Variants in FYB1 observed in about 807,000 individuals in gnomAD.
The protein encoded by FYB1 is FYN-binding protein 1.
Under a neutral mutation model 94.1 loss-of-function variants are expected in FYB1, and 41 were observed. That is an observed-to-expected ratio of 0.44 (90% CI 0.34 to 0.57). The LOEUF is 0.57. Among genes scored for constraint, FYB1 ranks in the 20% least tolerant of loss-of-function variants. The pLI, the probability that FYB1 is intolerant of heterozygous loss-of-function variation, is 0.02. For synonymous variants in FYB1, 367 were observed against 353.2 expected, an observed-to-expected ratio of 1.04 and a Z score of -0.44; for missense variants, 1,050 against 976.8, an observed-to-expected ratio of 1.07 and a Z score of -1.00.
rs141271794 is a variant in FYB1 at position 39,234,840 on chromosome 5, C to T, written c.-27-31853G>A. On this transcript the variant is annotated intron_variant, in intron 1 of 1. Coordinates refer to the FYB1 transcript ENST00000510188. ...TTACTCATAAGTGGGAGTTGAACAA[C>T]GAGAACACATGGACACAGGGAGGGG... Among the ~76,000 whole-genome samples, 1,002 of 151,680 alleles carry T rather than the reference C, an allele frequency of 6.6e-3. 15 individuals are homozygous for T. The highest frequency in any genetic ancestry group is 0.023 in the African/African-American group (940 of 41,386).
At chr5:39,107,728 T>C (rs1017125052) in intron 18 of FYB1, among the ~76,000 whole-genome samples, 1 of 152,048 alleles carries the variant, frequency 6.6e-6, no homozygotes, top group African/African-American at 2.4e-5. Flanking sequence ...CTTAGTCATA[T>C]ACTTTTTGGT....
chr5:39,219,948 G>C (rs78946175), upstream of FYB1, among the ~76,000 whole-genome samples: 1,977 of 152,260 alleles, frequency 0.013, 35 homozygotes, highest in African/African-American at 0.043. Context: ...ATATTTGGAA[G>C]CTAATTGCAC....
At chr5:39,184,417 A>T (rs1746554663) in intron 2 of FYB1, among the ~76,000 whole-genome samples, 1 of 152,346 alleles carries the variant, frequency 6.6e-6, no homozygotes, top group Middle Eastern at 3.4e-3. Context: ...TCAAATTACT[A>T]CAATGTGCAA....
intron 16 of FYB1, among the ~76,000 whole-genome samples, chr5:39,114,870 C>T (rs575996762): frequency 1.3e-5 from 2 of 152,238 alleles, no homozygotes; most frequent in African/African-American, 4.8e-5. Context: ...ATTGAAGTGA[C>T]TCTGAAGCTC....
chr5:39,239,426 C>A (rs966011484), intron 1 of FYB1, among the ~76,000 whole-genome samples: 2 of 152,070 alleles, frequency 1.3e-5, no homozygotes, highest in Admixed American at 6.6e-5. Flanking sequence ...TAGTCTCTGA[C>A]CAAAAGCTCC....
chr5:39,243,237 T>C (rs1176185613), intron 1 of FYB1, among the ~76,000 whole-genome samples: 1 of 152,036 alleles, frequency 6.6e-6, no homozygotes, highest in South Asian at 2.1e-4. Context: ...CTGAATGGTA[T>C]TGCTTAGGTT....
intron 1 of FYB1, among the ~76,000 whole-genome samples, chr5:39,217,115 G>A (rs1232055327): frequency 6.6e-6 from 1 of 152,132 alleles, no homozygotes; most frequent in Non-Finnish European, 1.5e-5. Context: ...GTGACCAATA[G>A]AGAGCATTCC....
At chr5:39,128,808 T>C (rs922896330) in intron 10 of FYB1, among the ~76,000 whole-genome samples, 11 of 152,132 alleles carry the variant, frequency 7.2e-5, no homozygotes, top group African/African-American at 2.4e-4. Context: ...TACACAAACA[T>C]GATGAAGGCT....
chr5:39,185,447 G>C (rs983606300), intron 2 of FYB1, among the ~76,000 whole-genome samples: 8 of 150,912 alleles, frequency 5.3e-5, no homozygotes, highest in African/African-American at 1.9e-4. Flanking sequence ...AAGATGGTAG[G>C]CTGAGCTTCA....
chr5:39,201,759 C>A, intron 2 of FYB1, 67 bp downstream of exon 2: 3 of 1,404,366 alleles, frequency 2.1e-6, no homozygotes, highest in East Asian at 2.3e-5. Context: ...AAAACTTTCC[C>A]CAGAAGCTAA....
chr5:39,222,544 G>A (rs535396972), upstream of FYB1, among the ~76,000 whole-genome samples: 1 of 152,258 alleles, frequency 6.6e-6, no homozygotes, highest in African/African-American at 2.4e-5. Context: ...AGGCAGAAAA[G>A]AAATGTACAC....
At position 39,133,876 on chromosome 5, in the gene FYB1, C is replaced by T. The variant is rs1299085868; in HGVS notation, c.1817+332G>A. Among the ~76,000 whole-genome samples, 3 of 151,976 alleles carry T rather than the reference C, an allele frequency of 2.0e-5. No individual in the cohort carries two copies. The South Asian group carries it at 6.2e-4, about 32-fold the overall frequency. ...AATGGGCTAAATTTTATATTTTATG[C>T]TTCATATTTTACCAAATCATATTTC... is the stretch of plus-strand genomic sequence containing the variant. On this transcript the variant is annotated intron_variant, in intron 9 of 18. Coordinates refer to ENST00000512982, the MANE Select transcript of FYB1 (RefSeq NM_001465.6).
rs577113377 is a variant in FYB1 at position 39,112,418 on chromosome 5, T to C, written c.2402-2029A>G. On this transcript the variant is annotated intron_variant, in intron 16 of 18. Transcript: ENST00000512982. ...CAACACTGAAGTCAATCTCATATGA[T>C]TTGGTAGGGATTCATACAGTCTCTG... Among the ~76,000 whole-genome samples, 3 of 152,120 alleles carry C rather than the reference T, an allele frequency of 2.0e-5. No homozygotes were observed. The South Asian group carries it at 6.2e-4, about 32-fold the overall frequency.
At chr5:39,227,478 TAC>T (rs1316534093) in intron 1 of FYB1, among the ~76,000 whole-genome samples, 51 of 140,214 alleles carry the variant, frequency 3.6e-4, no homozygotes, top group African/African-American at 1.4e-3. Context: ...ATAATTTATA[TAC>T]ACACATATGT....
intron 8 of FYB1, 48 bp downstream of exon 8, chr5:39,134,807 T>C: frequency 1.2e-6 from 2 of 1,600,024 alleles, no homozygotes; most frequent in South Asian, 2.2e-5. Context: ...CATTGAATAT[T>C]GCCTCGCAAA....
intron 16 of FYB1, among the ~76,000 whole-genome samples, chr5:39,114,371 A>G (rs1417212171): frequency 1.3e-5 from 2 of 152,194 alleles, no homozygotes; most frequent in East Asian, 3.8e-4. Context: ...AATGGGTGAG[A>G]CTTGATCGAA....
At chr5:39,231,999 C>T (rs1750764702) in intron 1 of FYB1, among the ~76,000 whole-genome samples, 1 of 152,106 alleles carries the variant, frequency 6.6e-6, no homozygotes, top group African/African-American at 2.4e-5. Context: ...AGAGAAGCTT[C>T]AGGGATACGG....
At chr5:39,169,967 C>T in intron 2 of FYB1, 1 of 672,146 alleles carries the variant, frequency 1.5e-6, no homozygotes, top group Admixed American at 2.1e-5. Flanking sequence ...GGCAGCTCAT[C>T]ATCAGGTTCT....
intron 1 of FYB1, among the ~76,000 whole-genome samples, chr5:39,242,180 T>C (rs937700271): frequency 6.6e-6 from 1 of 152,184 alleles, no homozygotes; most frequent in Non-Finnish European, 1.5e-5. Flanking sequence ...AGGGTACATA[T>C]GCACAATGTG....
Sources: allele counts gnomAD v4.1 joint callset (sites outside exome capture counted in the v4.1 genomes callset), GRCh38; gene constraint gnomAD v4.1.1; transcripts MANE v1.5; gene names NCBI Gene and HGNC (gene_info 2026-07-23, HGNC 2026-07-21).